TMEM131L: variants seen among roughly 807,000 people sequenced by gnomAD.
TMEM131L encodes transmembrane protein 131-like.
Under a neutral mutation model 192.2 loss-of-function variants are expected in TMEM131L, and 54 were observed. The observed-to-expected ratio is 0.28, with a 90% confidence interval of 0.23 to 0.35. The LOEUF (loss-of-function observed/expected upper bound fraction) is 0.35, where lower values mean the gene tolerates loss of function less well. Ranked by LOEUF, TMEM131L falls within the 10% of genes least tolerant of loss-of-function variation. TMEM131L has a pLI of 1.00. For synonymous variants in TMEM131L, 701 were observed against 704.9 expected (o/e 0.99, Z 0.09); for missense variants, 1,888 against 1,972.9 (o/e 0.96, Z 0.82).
chr4:153,539,799 T>G (rs1473981280), intron 3 of TMEM131L, among the ~76,000 whole-genome samples: 2 of 129,410 alleles, frequency 1.5e-5, no homozygotes, highest in African/African-American at 3.8e-5. Flanking sequence ...TTTGCTCATA[T>G]TGGGACTTTA....
Position 153,567,528 on chromosome 4 carries a change from A to AT in TMEM131L, c.660+9170dup, listed in dbSNP as rs565526931. On this transcript the variant is annotated intron_variant, in intron 7 of 34. Transcript: ENST00000409959. Reference sequence around the variant, plus strand: ...TTAGTAAGTGAAGCAAGAAAGCTAGATTTTTTTTTTCCCCCAGGCTTTTTT... The same window carrying AT: ...TTAGTAAGTGAAGCAAGAAAGCTAGATTTTTTTTTTTCCCCCAGGCTTTTTT... Among the ~76,000 whole-genome samples, 619 of 144,932 alleles carry AT rather than the reference A, an allele frequency of 4.3e-3. 5 individuals carry two copies. The highest frequency in any genetic ancestry group is 0.014 in the Middle Eastern group (4 of 284).
At chr4:153,579,646 A>AT (rs1730199836) in intron 7 of TMEM131L, among the ~76,000 whole-genome samples, 2 of 152,022 alleles carry the variant, frequency 1.3e-5, no homozygotes, top group South Asian at 2.1e-4. Context: ...TAATTCTGGT[A>AT]TTTTTTCTAG....
At chr4:153,568,685 A>G (rs565903963) in intron 7 of TMEM131L, among the ~76,000 whole-genome samples, 1 of 152,378 alleles carries the variant, frequency 6.6e-6, no homozygotes, top group African/African-American at 2.4e-5. Context: ...TAAGCTATTT[A>G]TGAAGATATG....
intron 7 of TMEM131L, among the ~76,000 whole-genome samples, chr4:153,580,010 CG>C (rs1175547764): frequency 6.6e-6 from 1 of 152,080 alleles, no homozygotes; most frequent in African/African-American, 2.4e-5. Flanking sequence ...CTGTGGCTCC[CG>C]GGTGGAGTAC....
chr4:153,480,517 C>CAA (rs1157080931), intron 3 of TMEM131L, among the ~76,000 whole-genome samples: 1,168 of 49,728 alleles, frequency 0.023, 49 homozygotes, highest in African/African-American at 0.073. Context: ...GACTCCATCT[C>CAA]AAAAAAAAAA....
chr4:153,579,555 T>G (rs543362033), intron 7 of TMEM131L, among the ~76,000 whole-genome samples: 27 of 152,340 alleles, frequency 1.8e-4, no homozygotes, highest in Non-Finnish European at 2.8e-4. Flanking sequence ...CACTACAGCC[T>G]TGACCTCTTG....
chr4:153,497,878 CAAAAAAAAAAA>C (rs200874155), intron 3 of TMEM131L, among the ~76,000 whole-genome samples: 1 of 70,344 alleles, frequency 1.4e-5, no homozygotes, highest in East Asian at 3.3e-4. Flanking sequence ...GAAAAATTTC[CAAAAAAAAAAA>C]AAAAAAAAAA....
chr4:153,506,881 A>T (rs1274613230), intron 3 of TMEM131L, among the ~76,000 whole-genome samples: 1 of 151,354 alleles, frequency 6.6e-6, no homozygotes, highest in Non-Finnish European at 1.5e-5. Flanking sequence ...AAAAAAGAGT[A>T]TTTACTACTT....
chr4:153,509,694 G>A (rs942157536), intron 3 of TMEM131L, among the ~76,000 whole-genome samples: 3 of 152,174 alleles, frequency 2.0e-5, no homozygotes, highest in Admixed American at 6.5e-5. Context: ...TCCAGCCTGG[G>A]CGACAGAGCG....
At chr4:153,494,790 C>T (rs963183717) in intron 3 of TMEM131L, among the ~76,000 whole-genome samples, 3 of 152,138 alleles carry the variant, frequency 2.0e-5, no homozygotes, top group South Asian at 2.1e-4. Flanking sequence ...AACAGCTCTC[C>T]GTCGGGAGCG....
chr4:153,573,873 A>G (rs533195412), intron 7 of TMEM131L, among the ~76,000 whole-genome samples: 3 of 152,374 alleles, frequency 2.0e-5, no homozygotes, highest in Admixed American at 6.5e-5. Context: ...TCCCCCAAGC[A>G]TCTAAATTAT....
At position 153,555,841 on chromosome 4, in the gene TMEM131L, C is replaced by G; in HGVS notation, c.363C>G (p.Asp121Glu). ...TCCATGCTTACAACCCTAGTAGGGACAGCGAGGTTGTGGTGAATTCAGTGT... is the reference window on the plus strand; with the variant it reads ...TCCATGCTTACAACCCTAGTAGGGAGAGCGAGGTTGTGGTGAATTCAGTGT... ...KILHAYNPSR[D>E]SEVVVNSVFA... Residue 121 changes from aspartate (D) to glutamate (E), a missense_variant, in exon 5 of 35, where the codon GAC becomes GAG. Coordinates refer to ENST00000409959, the MANE Select transcript of TMEM131L (RefSeq NM_001131007.2). This position sits in a 1 kb window ranked among gnomAD's most constrained non-coding sequence, Gnocchi z 4.1. 1 of 1,551,566 alleles carries G rather than the reference C, an allele frequency of 6.4e-7. No homozygotes were observed. Among genetic ancestry groups the G allele is most frequent in the Non-Finnish European group, 8.7e-7 (1 of 1,146,816 alleles).
At position 153,631,587 on chromosome 4, in the gene TMEM131L, A is replaced by G. The variant is rs571894798; in HGVS notation, c.4208-1131A>G. Reference sequence around the variant, plus strand: ...GCCCTTTGCTCCAGAAAGAGACACTATATGTTCCGAGGCTTTTGCTTAGCA... The same window carrying G: ...GCCCTTTGCTCCAGAAAGAGACACTGTATGTTCCGAGGCTTTTGCTTAGCA... On this transcript the variant is annotated intron_variant, in intron 31 of 34. Transcript: ENST00000409959. 3.9e-5 allele frequency among the ~76,000 whole-genome samples: 6 copies of G among 152,260 alleles called. No homozygotes were observed. The East Asian group carries it at 7.7e-4, about 20-fold the overall frequency.
intron 3 of TMEM131L, among the ~76,000 whole-genome samples, chr4:153,527,052 A>G (rs1735541835): frequency 6.6e-6 from 1 of 152,134 alleles, no homozygotes; most frequent in Non-Finnish European, 1.5e-5. Context: ...CCTCCATGAA[A>G]GACTGAAGAT....
At chr4:153,543,691 A>C (rs1338644512) in intron 3 of TMEM131L, among the ~76,000 whole-genome samples, 2 of 152,238 alleles carry the variant, frequency 1.3e-5, no homozygotes, top group Non-Finnish European at 2.9e-5. Context: ...AGGAGGTAGC[A>C]GCTGGGTCTT....
chr4:153,503,771 G>T (rs956044531), intron 3 of TMEM131L, among the ~76,000 whole-genome samples: 1 of 152,068 alleles, frequency 6.6e-6, no homozygotes, highest in African/African-American at 2.4e-5. Context: ...ATAAGACACG[G>T]GTTATAAAAG....
intron 4 of TMEM131L, among the ~76,000 whole-genome samples, chr4:153,554,591 A>G (rs1014240073): frequency 6.6e-6 from 1 of 152,262 alleles, no homozygotes; most frequent in African/African-American, 2.4e-5. Flanking sequence ...TACGGAATTC[A>G]TTCATTATGC....
chr4:153,563,999 A>C (rs1003474872), intron 7 of TMEM131L, among the ~76,000 whole-genome samples: 4 of 152,014 alleles, frequency 2.6e-5, no homozygotes, highest in Non-Finnish European at 5.9e-5. Flanking sequence ...CTTTAATAAA[A>C]GAGGCCCAGC....
intron 14 of TMEM131L, 107 bp from the exon 15 acceptor site, chr4:153,587,635 G>C: frequency 1.2e-6 from 1 of 814,722 alleles, no homozygotes; most frequent in Non-Finnish European, 2.1e-6. Flanking sequence ...TGGTTAAAGG[G>C]AAGTTCACTG....
Sources: allele counts gnomAD v4.1 joint callset (sites outside exome capture counted in the v4.1 genomes callset), GRCh38; gene constraint gnomAD v4.1.1; non-coding constraint Gnocchi (gnomAD v3.1); transcripts MANE v1.5; gene names NCBI Gene and HGNC (gene_info 2026-07-23, HGNC 2026-07-21).